GGT5: variants seen among roughly 807,000 people sequenced by gnomAD.
GGT5 encodes glutathione hydrolase 5 proenzyme.
A neutral mutation model predicts 58.1 loss-of-function variants in GGT5; 50 were observed. The observed-to-expected ratio is 0.86, with a 90% CI of 0.69 to 1.09. The LOEUF is 1.09. GGT5 is among the 50% of genes least tolerant of loss of function. The probability of loss-of-function intolerance (pLI) is 0.00; values close to 1 mark genes in which losing one functional copy is unlikely to be tolerated. For synonymous variants in GGT5, 370 were observed against 346.1 expected, an observed-to-expected ratio of 1.07 and a Z score of -0.77; for missense variants, 800 against 789.4, an observed-to-expected ratio of 1.01 and a Z score of -0.16.
chr22:24,222,825 C>A (rs190406143), intron 11 of GGT5, among the ~76,000 whole-genome samples: 3 of 152,178 alleles, frequency 2.0e-5, no homozygotes, highest in Non-Finnish European at 2.9e-5. Context: ...CGCCTATAAT[C>A]CCAGCACTTT....
chr22:24,232,263 C>T, intron 4 of GGT5, 55 bp from the exon 5 acceptor site: 3 of 1,082,606 alleles, frequency 2.8e-6, no homozygotes, highest in South Asian at 1.6e-5. Flanking sequence ...CAGCCACACT[C>T]TTCCGGGGCT....
At chr22:24,225,504 G>T (rs903488327) in intron 9 of GGT5, 42 bp downstream of exon 9, 2 of 1,576,870 alleles carry the variant, frequency 1.3e-6, no homozygotes, top group Non-Finnish European at 8.7e-7. Flanking sequence ...CTCCCCTGGT[G>T]GGGGGCCCTT....
At chr22:24,238,886 ATATTTTATATAT>A (rs2048225630) in intron 1 of GGT5, among the ~76,000 whole-genome samples, 3 of 12,454 alleles carry the variant, frequency 2.4e-4, no homozygotes, top group South Asian at 2.2e-3. Flanking sequence ...TATATATTAT[ATATTTTATATAT>A]ATATATATTA....
rs868494925 is a variant in GGT5, at chr22:24,244,967, G to A, written c.-242C>T. 65 of 620,190 alleles carry A rather than the reference G, an allele frequency of 1.0e-4. No individual in the cohort carries two copies. Among genetic ancestry groups the A allele is most frequent in the Admixed American group, 6.5e-4 (21 of 32,246 alleles). The allele number at this position is 620,190 out of a possible 1,614,324, so 38.4% of individuals were successfully genotyped here. Reference sequence around the variant, plus strand: ...GACAGAGATGGGCTTACAGATGGGCGGACAGACAGACAGGTCTGAACAGCG... The same window carrying A: ...GACAGAGATGGGCTTACAGATGGGCAGACAGACAGACAGGTCTGAACAGCG... On this transcript the variant is annotated 5_prime_UTR_variant, in exon 1 of 12. Transcript: ENST00000327365.
chr22:24,223,365 C>T (rs939454878), intron 11 of GGT5, among the ~76,000 whole-genome samples: 14 of 152,052 alleles, frequency 9.2e-5, no homozygotes, highest in African/African-American at 3.4e-4. Context: ...CATGCCACTG[C>T]ACTCCAGCCT....
At chr22:24,232,337 TG>T in intron 4 of GGT5, 129 bp from the exon 5 acceptor site, 1 of 562,660 alleles carries the variant, frequency 1.8e-6, no homozygotes, top group South Asian at 2.2e-5. Context: ...CCCGAGGCAC[TG>T]GGGTGGACAC....
At chr22:24,244,362 C>T (rs1375177543) in intron 1 of GGT5, 191 bp downstream of exon 1, 1 of 603,788 alleles carries the variant, frequency 1.7e-6, no homozygotes, top group Non-Finnish European at 3.0e-6. Context: ...CACATTCACA[C>T]ACACCCACAC....
intron 4 of GGT5, 50 bp downstream of exon 4, chr22:24,232,773 C>T (rs1438127551): frequency 2.3e-6 from 3 of 1,306,584 alleles, no homozygotes; most frequent in African/African-American, 3.0e-5. Context: ...TGGGCCCAGA[C>T]AGGATATGGC....
intron 6 of GGT5, 65 bp downstream of exon 6, chr22:24,231,319 G>C (rs2070016287): frequency 3.3e-6 from 4 of 1,216,322 alleles, no homozygotes; most frequent in Non-Finnish European, 4.6e-6. Context: ...CTTGGAGTCT[G>C]AGTTCCCGGG....
rs567555612 is a variant in GGT5 at position 24,232,835 on chromosome 22, G to A, written c.584C>T (p.Ala195Val). 119 of 1,536,598 alleles carry A rather than the reference G, an allele frequency of 7.7e-5. 3 individuals are homozygous for A. The highest frequency in any genetic ancestry group is 7.5e-4 in the South Asian group (61 of 81,466). Reference protein sequence around the residue: ...HNSILRPSLQASTLRQLFFNG... With the variant: ...HNSILRPSLQVSTLRQLFFNG... ...ATGTGGGGCTCACCGCAGGGTTGAC[G>A]CCTGCAAGGAAGGCCGCAGGATGCT... The change falls in exon 4 of 12, where the codon GCG (alanine) becomes GTG (valine). Residue 195 changes from alanine to valine, a missense_variant. Physicochemically the swap from Ala to Val is moderately conservative, Grantham distance 64 (BLOSUM62 0). Coordinates refer to ENST00000327365, the MANE Select transcript of GGT5 (RefSeq NM_004121.5).
In GGT5 at chr22:24,244,981, G is replaced by T. The variant is rs1279924119; in HGVS notation, c.-256C>A. ...TACAGATGGGCGGACAGACAGACAG[G>T]TCTGAACAGCGGGCTGCCAGATGGA... On this transcript the variant is annotated 5_prime_UTR_variant, in exon 1 of 12. Coordinates refer to ENST00000327365, the MANE Select transcript of GGT5 (RefSeq NM_004121.5). 7 of 561,062 alleles carry T rather than the reference G, an allele frequency of 1.2e-5. No individual in the cohort carries two copies. Among genetic ancestry groups the T allele is most frequent in the Non-Finnish European group, 1.8e-5 (6 of 327,144 alleles). 34.8% of individuals were successfully genotyped at this position (561,062 alleles called of 1,614,324 possible).
chr22:24,233,608 G>A lies in GGT5; in HGVS notation c.305-15C>T, dbSNP rs778898369. 1.3e-6 allele frequency: 2 copies of A among 1,543,526 alleles called. No individual in the cohort carries two copies. The highest frequency in any genetic ancestry group is 1.8e-6 in the Non-Finnish European group (2 of 1,126,190). On this transcript the variant is annotated splice_polypyrimidine_tract_variant and intron_variant, in intron 2 of 11. Transcript: ENST00000327365. ...CTCCACCTTCCCTGGAGTAGGGCAG[G>A]GCAGGTGAGTGGTCATGGACCCTGC...
chr22:24,231,144 G>A (rs770368860), intron 6 of GGT5, among the ~76,000 whole-genome samples: 2 of 152,212 alleles, frequency 1.3e-5, no homozygotes, highest in Non-Finnish European at 2.9e-5. Context: ...GACTCTGGAC[G>A]AATGATATCA....
chr22:24,219,932 T>C lies in GGT5; in HGVS notation c.*38A>G, dbSNP rs1324705988. 1.2e-6 allele frequency: 2 copies of C among 1,606,630 alleles called. No homozygotes were observed. Among genetic ancestry groups the C allele is most frequent in the Admixed American group, 1.7e-5 (1 of 59,846 alleles). ...ATGTCCGGCCTGGACACAGGACTCA[T>C]GGTGGGGCCAGACTTCAGCTCTGGG... On this transcript the variant is annotated 3_prime_UTR_variant, in exon 12 of 12. Coordinates refer to ENST00000327365, the MANE Select transcript of GGT5 (RefSeq NM_004121.5).
chr22:24,227,827 C>T (rs538948948), intron 6 of GGT5, among the ~76,000 whole-genome samples: 96 of 151,680 alleles, frequency 6.3e-4, no homozygotes, highest in African/African-American at 2.3e-3. Context: ...TTTGGGAGGC[C>T]GAGGCTGAGG....
At position 24,232,936 on chromosome 22, in the gene GGT5, C is replaced by T. The variant is rs753600461; in HGVS notation, c.483G>A (p.Gln161=). The T allele has an allele frequency of 5.1e-6, 8 of 1,573,030 alleles. No individual in the cohort carries two copies. The South Asian group carries it at 9.3e-5, about 18-fold the overall frequency. Residue 161 remains glutamine, a synonymous_variant, in exon 4 of 12, where the codon CAG becomes CAA. Coordinates refer to ENST00000327365, the MANE Select transcript of GGT5 (RefSeq NM_004121.5). ...GCAGCGCGATGGTGGGCTGGAACAG[C>T]TGCGCCCAGGGCAGGCGGCCATGGC... is the stretch of plus-strand genomic sequence containing the variant. The part of the protein sequence containing the change: ...HRRHGRLPWA[Q]LFQPTIALLR...
At chr22:24,237,103 A>G (rs1200280630) in intron 1 of GGT5, among the ~76,000 whole-genome samples, 1 of 147,960 alleles carries the variant, frequency 6.8e-6, no homozygotes, top group Non-Finnish European at 1.5e-5. Flanking sequence ...AACCTAATAT[A>G]TTGCTCTGGC....
chr22:24,224,435 T>C (rs944706465), intron 11 of GGT5, among the ~76,000 whole-genome samples: 1 of 151,944 alleles, frequency 6.6e-6, no homozygotes, highest in Non-Finnish European at 1.5e-5. Flanking sequence ...GAAGGATCAC[T>C]TGAGCCCAGG....
Position 24,225,026 on chromosome 22 carries a change from G to A in GGT5, c.1584C>T (p.Gly528=), listed in dbSNP as rs1336113707. The A allele has an allele frequency of 1.9e-6, 3 of 1,598,644 alleles. No homozygotes were observed. In the African/African-American group the frequency reaches 4.0e-5, roughly 21 times the overall value. The change falls in exon 11 of 12, where the codon GGC becomes GGT. Residue 528 remains glycine (G), a synonymous_variant. Coordinates refer to ENST00000327365, the MANE Select transcript of GGT5 (RefSeq NM_004121.5). The part of the protein sequence containing the change: ...AAPILHVNSK[G]CVEYEPNFSQ... Reference sequence around the variant, plus strand: ...TGAAGTTGGGCTCGTACTCCACACAGCCCTTGCTGTTGACATGCAGGATGG... The same window carrying A: ...TGAAGTTGGGCTCGTACTCCACACAACCCTTGCTGTTGACATGCAGGATGG...
Sources: gnomAD v4.1 joint callset for allele counts (sites outside exome capture counted in the v4.1 genomes callset) on GRCh38, gnomAD v4.1.1 for gene constraint, MANE v1.5 for transcripts, NCBI Gene and HGNC (gene_info 2026-07-23, HGNC 2026-07-21) for gene names.